The following ACOT7 variants were observed in gnomAD, a reference collection of about 807,000 sequenced individuals.
ACOT7 encodes cytosolic acyl coenzyme A thioester hydrolase.
A neutral mutation model predicts 40.2 loss-of-function variants in ACOT7; 12 were observed. That is an observed-to-expected ratio of 0.30 (90% CI 0.19 to 0.48). The LOEUF (loss-of-function observed/expected upper bound fraction) is 0.48. Among genes scored for constraint, ACOT7 ranks in the 20% least tolerant of loss-of-function variants. The probability of loss-of-function intolerance (pLI) is 0.99; values close to 1 mark genes in which losing one functional copy is unlikely to be tolerated. For synonymous variants in ACOT7, 228 were observed against 219.5 expected, an observed-to-expected ratio of 1.04 and a Z score of -0.34; for missense variants, 395 against 530.8, an observed-to-expected ratio of 0.74 and a Z score of 2.51.
At chr1:6,300,944 A>G (rs1233114430) in intron 6 of ACOT7, among the ~76,000 whole-genome samples, 1 of 152,234 alleles carries the variant, frequency 6.6e-6, no homozygotes, top group African/African-American at 2.4e-5. Flanking sequence ...CACGCTTCCA[A>G]AGTCACACCA....
rs1005883716 is a variant in ACOT7, at chr1:6,294,040, G to C, written c.829+824C>G. Among the ~76,000 whole-genome samples the C allele has an allele frequency of 2.1e-4, 32 of 152,328 alleles. No individual in the cohort carries two copies. The highest frequency in any genetic ancestry group is 1.4e-3 in the Admixed American group (22 of 15,302). ...CTTCCACTCTCGCTTCCCACGACAA[G>C]GGGCTGGTCTCAGCCAACAGCTCCT... On this transcript the variant is annotated intron_variant, in intron 7 of 8. Coordinates refer to ENST00000361521, the MANE Select transcript of ACOT7 (RefSeq NM_007274.4). This position sits in a 1 kb window ranked among gnomAD's most constrained non-coding sequence, Gnocchi z 4.6.
rs1283473257 is a variant in ACOT7, at chr1:6,294,108, C to T, written c.829+756G>A. Among the ~76,000 whole-genome samples the T allele has an allele frequency of 6.6e-6, 1 of 152,248 alleles. No individual in the cohort carries two copies. ...TGAGGTGGTGTCCTCAGAATCAGCA[C>T]CAGGCCCTGACGATGCTGACACCAC... On this transcript the variant is annotated intron_variant, in intron 7 of 8. Coordinates refer to ENST00000361521, the MANE Select transcript of ACOT7 (RefSeq NM_007274.4). This position sits in a 1 kb window ranked among gnomAD's most constrained non-coding sequence, Gnocchi z 4.6.
At chr1:6,356,933 G>A (rs1396117117) in intron 1 of ACOT7, among the ~76,000 whole-genome samples, 1 of 141,890 alleles carries the variant, frequency 7.0e-6, no homozygotes, top group Non-Finnish European at 1.5e-5. Flanking sequence ...AAAAAAAAAA[G>A]GACGACGACG....
At chr1:6,319,378 A>G (rs1188459165) in intron 5 of ACOT7, among the ~76,000 whole-genome samples, 1 of 152,186 alleles carries the variant, frequency 6.6e-6, no homozygotes, top group Non-Finnish European at 1.5e-5. Flanking sequence ...TTTTTAGTAG[A>G]GACAGGGTTT....
chr1:6,266,057 G>A (rs532630813), intron 8 of ACOT7, among the ~76,000 whole-genome samples: 33 of 152,296 alleles, frequency 2.2e-4, no homozygotes, highest in African/African-American at 7.5e-4. Context: ...AGAAATAGGT[G>A]GCGCTCCTTG....
At chr1:6,265,668 C>T (rs1357379490) in intron 8 of ACOT7, among the ~76,000 whole-genome samples, 1 of 152,236 alleles carries the variant, frequency 6.6e-6, no homozygotes, top group Non-Finnish European at 1.5e-5. Flanking sequence ...GTGGTCACTT[C>T]TGATGTCCCA....
intron 8 of ACOT7, among the ~76,000 whole-genome samples, chr1:6,266,537 G>C (rs1638855700): frequency 6.6e-6 from 1 of 152,262 alleles, no homozygotes; most frequent in South Asian, 2.1e-4. Flanking sequence ...GTGACACAAC[G>C]CTGTGGCCCG....
At chr1:6,367,992 A>G (rs1247788049) in intron 1 of ACOT7, among the ~76,000 whole-genome samples, 1 of 152,174 alleles carries the variant, frequency 6.6e-6, no homozygotes, top group Non-Finnish European at 1.5e-5. Flanking sequence ...GCAGCTGGTC[A>G]TCCTGTCATC....
chr1:6,346,186 A>C (rs748128093), intron 2 of ACOT7, among the ~76,000 whole-genome samples: 3 of 152,190 alleles, frequency 2.0e-5, no homozygotes, highest in Non-Finnish European at 4.4e-5. Context: ...CTGCAGCCTC[A>C]ACCTTCCTGG....
intron 8 of ACOT7, among the ~76,000 whole-genome samples, chr1:6,268,654 G>GGGCCCCA (rs1236067066): frequency 1.3e-5 from 2 of 152,242 alleles, no homozygotes; most frequent in African/African-American, 4.8e-5. Flanking sequence ...GGTGTGTGAT[G>GGGCCCCA]GGCCCCAGGC....
At chr1:6,292,213 C>T (rs1193969559) in intron 7 of ACOT7, among the ~76,000 whole-genome samples, 1 of 152,246 alleles carries the variant, frequency 6.6e-6, no homozygotes, top group Non-Finnish European at 1.5e-5. Context: ...TCTAAGAAAA[C>T]AACAGTCTTT....
In ACOT7 at chr1:6,277,984, C is replaced by CCA. The variant is rs1187427266; in HGVS notation, c.1014+3116_1014+3117dup. ...GCACATAGAAAGTGCGTGCCTAAGG[C>CCA]CACACAGCTAGTAAGTTTAGAGCTC... is the stretch of plus-strand genomic sequence containing the variant. On this transcript the variant is annotated intron_variant, in intron 8 of 8. Transcript: ENST00000361521. Among the ~76,000 whole-genome samples, 10 of 152,268 alleles carry CCA rather than the reference C, an allele frequency of 6.6e-5. No homozygotes were observed. In the South Asian group the frequency reaches 1.0e-3, roughly 16 times the overall value.
chr1:6,360,422 G>A (rs777689768), intron 1 of ACOT7: 198 of 1,170,578 alleles, frequency 1.7e-4, no homozygotes, highest in Non-Finnish European at 2.1e-4. Flanking sequence ...TGCCCATCTC[G>A]GCCCATCTTC....
At chr1:6,386,718 G>C (rs1642446440) in intron 1 of ACOT7, among the ~76,000 whole-genome samples, 1 of 152,080 alleles carries the variant, frequency 6.6e-6, no homozygotes, top group African/African-American at 2.4e-5. Context: ...CATTAGCCAG[G>C]CACAGAGGCG....
chr1:6,360,448 C>A, intron 1 of ACOT7: 1 of 1,374,816 alleles, frequency 7.3e-7, no homozygotes. Flanking sequence ...TAGCCGGCAT[C>A]CCAGGGCCAG....
At chr1:6,334,976 A>G (rs967500484) in intron 3 of ACOT7, among the ~76,000 whole-genome samples, 2 of 152,160 alleles carry the variant, frequency 1.3e-5, no homozygotes, top group African/African-American at 2.4e-5. Flanking sequence ...ACTTGAGCTC[A>G]GGAGTTCCAG....
At chr1:6,379,462 A>T (rs1207227916) in intron 1 of ACOT7, among the ~76,000 whole-genome samples, 2 of 151,626 alleles carry the variant, frequency 1.3e-5, no homozygotes, top group African/African-American at 2.4e-5. Context: ...AAAGCTATGT[A>T]ACTTTTTTTT....
intron 6 of ACOT7, among the ~76,000 whole-genome samples, chr1:6,317,763 A>C (rs1571302451): frequency 1.5e-5 from 2 of 136,128 alleles, no homozygotes; most frequent in African/African-American, 2.8e-5. Context: ...ACGGAGTCTC[A>C]CTCTGTCGCC....
At chr1:6,382,791 TAACACC>T (rs1218698646) in intron 1 of ACOT7, among the ~76,000 whole-genome samples, 1 of 151,556 alleles carries the variant, frequency 6.6e-6, no homozygotes, top group Non-Finnish European at 1.5e-5. Flanking sequence ...GAAGACAGAG[TAACACC>T]CTGTCTCAAT....
Sources: gnomAD v4.1 joint callset for allele counts (sites outside exome capture counted in the v4.1 genomes callset) on GRCh38, gnomAD v4.1.1 for gene constraint, Gnocchi (gnomAD v3.1) non-coding constraint, MANE v1.5 for transcripts, NCBI Gene and HGNC (gene_info 2026-07-23, HGNC 2026-07-21) for gene names.